ZNF536: variants seen among roughly 807,000 people sequenced by gnomAD.
ZNF536 encodes the protein zinc finger protein 536.
In ZNF536, 13 loss-of-function variants were observed where a neutral mutation model predicts 84.5. The observed-to-expected ratio is 0.15, with a 90% CI of 0.10 to 0.24. The LOEUF is 0.24. Among genes scored for constraint, ZNF536 ranks in the 10% least tolerant of loss-of-function variants. The pLI, the probability that ZNF536 is intolerant of heterozygous loss-of-function variation, is 1.00. For synonymous variants in ZNF536, 811 were observed against 742.5 expected, an observed-to-expected ratio of 1.09 and a Z score of -1.50; for missense variants, 1,536 against 1,747.5, an observed-to-expected ratio of 0.88 and a Z score of 2.16.
At chr19:30,544,984 C>T (rs190529751) in intron 3 of ZNF536, among the ~76,000 whole-genome samples, 1 of 152,192 alleles carries the variant, frequency 6.6e-6, no homozygotes, top group Non-Finnish European at 1.5e-5. Context: ...GACTGTCTTC[C>T]CTGCTAAACC....
chr19:30,629,873 A>T (rs2147226375), intron 1 of ZNF536, among the ~76,000 whole-genome samples: 1 of 152,354 alleles, frequency 6.6e-6, no homozygotes, highest in South Asian at 2.1e-4. Context: ...GCTCACAGTG[A>T]CACAGGCACA....
At chr19:30,263,238 G>A (rs776465580) in intron 1 of ZNF536, among the ~76,000 whole-genome samples, 5 of 152,170 alleles carry the variant, frequency 3.3e-5, no homozygotes, top group African/African-American at 1.2e-4. Flanking sequence ...CTAGAGCTTC[G>A]GTTGCTTATG....
At chr19:30,649,757 A>G (rs1361007371) in intron 1 of ZNF536, among the ~76,000 whole-genome samples, 1 of 152,130 alleles carries the variant, frequency 6.6e-6, no homozygotes, top group Non-Finnish European at 1.5e-5. Context: ...GACAGGGGCA[A>G]AGTTGGAGTA....
chr19:30,503,306 A>G (rs1294724891), intron 2 of ZNF536, among the ~76,000 whole-genome samples: 3 of 152,220 alleles, frequency 2.0e-5, no homozygotes, highest in Admixed American at 6.5e-5. Context: ...AATCAATAAG[A>G]AAAAGACAAA....
intron 3 of ZNF536, among the ~76,000 whole-genome samples, chr19:30,365,947 T>C (rs1405250143): frequency 6.6e-6 from 1 of 152,140 alleles, no homozygotes; most frequent in Non-Finnish European, 1.5e-5. Context: ...AAATAGGAGT[T>C]TCTCTATGTA....
chr19:30,391,285 T>A (rs746846681), intron 1 of ZNF536, among the ~76,000 whole-genome samples: 7 of 152,212 alleles, frequency 4.6e-5, no homozygotes, highest in Non-Finnish European at 1.0e-4. Context: ...GACTTTAAAC[T>A]GCTTTTGCTG....
chr19:30,446,839 CAA>C (rs561286059), intron 2 of ZNF536, among the ~76,000 whole-genome samples: 5,123 of 147,614 alleles, frequency 0.035, 130 homozygotes, highest in Non-Finnish European at 0.054. Flanking sequence ...ACAACAACAA[CAA>C]AACACGCTAG....
chr19:30,292,390 C>T (rs2145817512), intron 2 of ZNF536, among the ~76,000 whole-genome samples: 1 of 149,920 alleles, frequency 6.7e-6, no homozygotes, highest in Middle Eastern at 3.5e-3. Flanking sequence ...GGCTTGAGTG[C>T]AGTGGTGTGA....
At chr19:30,291,455 T>A (rs150693188) in intron 2 of ZNF536, among the ~76,000 whole-genome samples, 1 of 152,356 alleles carries the variant, frequency 6.6e-6, no homozygotes, top group African/African-American at 2.4e-5. Flanking sequence ...TGAGCTTTTT[T>A]TCATATGTTT....
chr19:30,647,686 C>T (rs1385656501), intron 1 of ZNF536, among the ~76,000 whole-genome samples: 1 of 152,162 alleles, frequency 6.6e-6, no homozygotes, highest in Non-Finnish European at 1.5e-5. Context: ...TTTAAAAGAG[C>T]ATTATAAACC....
Position 30,444,372 on chromosome 19 carries a change from G to A in ZNF536, c.810G>A (p.Pro270=), listed in dbSNP as rs533020751. Residue 270 remains proline (P), a synonymous_variant, in exon 2 of 5, where the codon CCG becomes CCA. Coordinates refer to ENST00000355537, the MANE Select transcript of ZNF536 (RefSeq NM_014717.3). ...GCGTGCAGGAGGACGCGGTGGCCCCGGCGGCGGGCTTCCGCTGTACCTTCT... is the reference window on the plus strand; with the variant it reads ...GCGTGCAGGAGGACGCGGTGGCCCCAGCGGCGGGCTTCCGCTGTACCTTCT... ...PASVQEDAVA[P]AAGFRCTFCK... is the part of the protein sequence containing the mutation. 3.7e-6 allele frequency: 6 copies of A among 1,603,756 alleles called. No homozygotes were observed. Among genetic ancestry groups the A allele is most frequent in the African/African-American group, 2.7e-5 (2 of 75,056 alleles).
chr19:30,404,386 G>A (rs1017508741), intron 1 of ZNF536, among the ~76,000 whole-genome samples: 6 of 152,204 alleles, frequency 3.9e-5, no homozygotes, highest in African/African-American at 1.4e-4. Flanking sequence ...GGCCACTTGA[G>A]GTAGTGATGG....
chr19:30,271,162 G>C (rs1448864668), intron 1 of ZNF536, among the ~76,000 whole-genome samples: 2 of 152,182 alleles, frequency 1.3e-5, no homozygotes, highest in Non-Finnish European at 2.9e-5. Context: ...GGGGCTGTCA[G>C]CAGCTGCTCA....
intron 1 of ZNF536, among the ~76,000 whole-genome samples, chr19:30,377,285 C>T (rs985866640): frequency 1.3e-5 from 2 of 152,060 alleles, no homozygotes; most frequent in Non-Finnish European, 1.5e-5. Flanking sequence ...GGGCCGCGCT[C>T]ACAGAACTCA....
intron 1 of ZNF536, among the ~76,000 whole-genome samples, chr19:30,655,790 G>A (rs78768711): frequency 6.6e-6 from 1 of 152,184 alleles, no homozygotes; most frequent in African/African-American, 2.4e-5. Context: ...TGTAATCCCA[G>A]TGCTTTGGGA....
chr19:30,515,527 G>A (rs1301447375), intron 2 of ZNF536, among the ~76,000 whole-genome samples: 1 of 152,118 alleles, frequency 6.6e-6, no homozygotes, highest in Admixed American at 6.5e-5. Flanking sequence ...CGTGCTGTTA[G>A]GACAGAGTAG....
At chr19:30,510,935 G>C (rs985726876) in intron 2 of ZNF536, among the ~76,000 whole-genome samples, 1 of 152,172 alleles carries the variant, frequency 6.6e-6, no homozygotes, top group East Asian at 1.9e-4. Context: ...TCTGTTGCCC[G>C]GGTCAGGCGT....
rs187166164 is a variant in ZNF536 at position 30,358,763 on chromosome 19, C to T, written c.-3+6279C>T. ...GTATCTGGACAGGTGATTTCGGATG[C>T]CCTTCAGGGATTCCAGCAGGCCCAT... is the stretch of plus-strand genomic sequence containing the variant. On this transcript the variant is annotated intron_variant, in intron 3 of 5. Coordinates refer to the ZNF536 transcript ENST00000585628. Among the ~76,000 whole-genome samples the T allele has an allele frequency of 2.0e-3, 303 of 152,280 alleles. 3 individuals are homozygous for T. Among genetic ancestry groups the T allele is most frequent in the African/African-American group, 6.7e-3 (278 of 41,562 alleles).
intron 3 of ZNF536, among the ~76,000 whole-genome samples, chr19:30,535,808 C>T (rs1456915610): frequency 6.6e-6 from 1 of 152,094 alleles, no homozygotes; most frequent in Admixed American, 6.5e-5. Context: ...GTATGAGCTG[C>T]TTCAGAGGCT....
Sources: gnomAD v4.1 joint callset for allele counts (sites outside exome capture counted in the v4.1 genomes callset) on GRCh38, gnomAD v4.1.1 for gene constraint, MANE v1.5 for transcripts, NCBI Gene and HGNC (gene_info 2026-07-23, HGNC 2026-07-21) for gene names.